The following AIG1 variants were observed in gnomAD, a reference collection of about 807,000 sequenced individuals.
AIG1 encodes the protein androgen induced 1, also known as androgen-induced gene 1 protein.
A neutral mutation model predicts 31.4 loss-of-function variants in AIG1; 23 were observed. The observed-to-expected ratio is 0.73, with a 90% CI of 0.53 to 1.04. AIG1 has a LOEUF of 1.04. Ranked by LOEUF, AIG1 falls within the 50% of genes least tolerant of loss-of-function variation. The probability of loss-of-function intolerance (pLI) is 0.00; values close to 1 mark genes in which losing one functional copy is unlikely to be tolerated. For missense variants in AIG1, 274 were observed against 295.0 expected (o/e 0.93, Z 0.52); for synonymous variants, 100 against 110.5 (o/e 0.90, Z 0.60).
intron 3 of AIG1, among the ~76,000 whole-genome samples, chr6:143,260,245 T>C (rs188273104): frequency 9.1e-4 from 138 of 152,234 alleles, no homozygotes; most frequent in African/African-American, 3.2e-3. Flanking sequence ...TCTCTTGACC[T>C]CGTGATCCGC....
At chr6:143,067,449 T>C (rs551308790) in intron 1 of AIG1, among the ~76,000 whole-genome samples, 1 of 152,230 alleles carries the variant, frequency 6.6e-6, no homozygotes, top group South Asian at 2.1e-4. Context: ...GTGGAAAAGC[T>C]TGGGGTGCTC....
chr6:143,156,292 AT>A (rs1288330755), intron 2 of AIG1, among the ~76,000 whole-genome samples: 1 of 151,858 alleles, frequency 6.6e-6, no homozygotes, highest in Non-Finnish European at 1.5e-5. Flanking sequence ...ACTATGGTAC[AT>A]AATCCTACAA....
At chr6:143,248,359 G>A (rs1332924743) in intron 3 of AIG1, among the ~76,000 whole-genome samples, 1 of 152,118 alleles carries the variant, frequency 6.6e-6, no homozygotes, top group African/African-American at 2.4e-5. Flanking sequence ...TATTTTTGAA[G>A]GCACAGTTTT....
rs1321818870 is a variant in AIG1, at chr6:143,258,701, T to C, written c.400-25409T>C. 2.0e-5 allele frequency among the ~76,000 whole-genome samples: 3 copies of C among 152,100 alleles called. No individual in the cohort carries two copies. The highest frequency in any genetic ancestry group is 7.2e-5 in the African/African-American group (3 of 41,438). On this transcript the variant is annotated intron_variant, in intron 3 of 5. Coordinates refer to ENST00000357847, the MANE Select transcript of AIG1 (RefSeq NM_016108.4). The surrounding 1 kb of genome is among the most constrained non-coding windows in gnomAD (Gnocchi z 4.7). ...TATAAATGAAAGCTTAACTTGAAAA[T>C]AATTTGAGGAACAATTGTGAAAAAA...
Position 143,136,816 on chromosome 6 carries a change from G to C in AIG1, c.142-19G>C. ...TCTCCAGATCTTAATGACTCATACC[G>C]GCTGTTGTCCCCCTACAGGTTATCC... On this transcript the variant is annotated intron_variant, in intron 1 of 5. Transcript: ENST00000357847. The C allele has an allele frequency of 7.4e-7, 1 of 1,355,862 alleles. No individual in the cohort carries two copies. The highest frequency in any genetic ancestry group is 9.6e-7 in the Non-Finnish European group (1 of 1,039,458). The allele number at this position is 1,355,862 out of a possible 1,614,324, so 84.0% of individuals were successfully genotyped here. A position where few individuals can be genotyped will look rare whatever the true frequency, so the allele number is the denominator to read the frequency against.
intron 3 of AIG1, among the ~76,000 whole-genome samples, chr6:143,230,064 T>C (rs921808165): frequency 3.3e-5 from 5 of 152,174 alleles, no homozygotes; most frequent in African/African-American, 7.2e-5. Flanking sequence ...AACGTGGAGA[T>C]TGGCTTCTAT....
At chr6:143,264,822 A>G (rs1796042195) in intron 3 of AIG1, among the ~76,000 whole-genome samples, 1 of 152,190 alleles carries the variant, frequency 6.6e-6, no homozygotes, top group Admixed American at 6.5e-5. Context: ...ATATCACTGA[A>G]CACACCAGCA....
chr6:143,136,858 C>A lies in AIG1; in HGVS notation c.165C>A (p.Gly55=). The A allele has an allele frequency of 6.9e-7, 1 of 1,455,228 alleles. No homozygotes were observed. The highest frequency in any genetic ancestry group is 1.5e-5 in the South Asian group (1 of 66,622). The allele number at this position is 1,455,228 out of a possible 1,614,324, so 90.1% of individuals were successfully genotyped here. The change falls in exon 2 of 6, where the codon GGC becomes GGA. Residue 55 remains glycine, a synonymous_variant. Transcript: ENST00000357847. ...AGGTTATCCAGGCTGTCTTTTTTGG[C>A]ATCTGTGTGCTGACTGATCTTTCCA... ...IDLVIQAVFF[G]ICVLTDLSSL...
chr6:143,332,405 A>G (rs1777152482), intron 4 of AIG1, among the ~76,000 whole-genome samples: 4 of 152,270 alleles, frequency 2.6e-5, no homozygotes, highest in Non-Finnish European at 5.9e-5. Context: ...TATTCTAACT[A>G]AACTTTTGAA....
intron 5 of AIG1, among the ~76,000 whole-genome samples, chr6:143,336,046 C>G (rs187896984): frequency 6.6e-6 from 1 of 151,982 alleles, no homozygotes; most frequent in African/African-American, 2.4e-5. Flanking sequence ...CCACTTTACT[C>G]AGTCACATTA....
At chr6:143,177,474 A>G (rs62429641) in intron 3 of AIG1, among the ~76,000 whole-genome samples, 18,884 of 152,286 alleles carry the variant, frequency 0.12, 1,560 homozygotes, top group Non-Finnish European at 0.19. Flanking sequence ...CTGTATATGT[A>G]TACGTATCAT....
chr6:143,102,704 C>G (rs372669600), intron 1 of AIG1, among the ~76,000 whole-genome samples: 1 of 151,674 alleles, frequency 6.6e-6, no homozygotes, highest in African/African-American at 2.4e-5. Flanking sequence ...TTCATCCCCT[C>G]TCTACTCCTT....
chr6:143,141,659 G>A (rs1213750509), intron 2 of AIG1, among the ~76,000 whole-genome samples: 1 of 152,106 alleles, frequency 6.6e-6, no homozygotes, highest in Non-Finnish European at 1.5e-5. Context: ...AATTTTGCAG[G>A]GATAACCCAT....
chr6:143,200,174 A>G (rs1226724262), intron 3 of AIG1, among the ~76,000 whole-genome samples: 1 of 152,214 alleles, frequency 6.6e-6, no homozygotes, highest in East Asian at 1.9e-4. Context: ...AAAATACAGT[A>G]TTGGAGCACA....
At chr6:143,306,469 T>A (rs1010496229) in intron 4 of AIG1, among the ~76,000 whole-genome samples, 1 of 152,190 alleles carries the variant, frequency 6.6e-6, no homozygotes, top group African/African-American at 2.4e-5. Flanking sequence ...GGATTTTATT[T>A]TGCCTTCACT....
chr6:143,163,872 T>G (rs2128562354), intron 2 of AIG1, among the ~76,000 whole-genome samples: 1 of 152,242 alleles, frequency 6.6e-6, no homozygotes, highest in Non-Finnish European at 1.5e-5. Flanking sequence ...GATCTCCTGT[T>G]TTGTAAGATC....
At chr6:143,182,291 C>T (rs775948486) in intron 3 of AIG1, among the ~76,000 whole-genome samples, 7 of 152,166 alleles carry the variant, frequency 4.6e-5, no homozygotes, top group Non-Finnish European at 1.0e-4. Flanking sequence ...GCCTCAGCCT[C>T]CCAAAGTGCT....
intron 1 of AIG1, among the ~76,000 whole-genome samples, chr6:143,102,809 A>G (rs1211896112): frequency 6.6e-6 from 1 of 152,086 alleles, no homozygotes; most frequent in Non-Finnish European, 1.5e-5. Context: ...ATAGTCATGC[A>G]TTTCCATGTC....
Position 143,231,529 on chromosome 6 carries a change from TG to T in AIG1, c.400-52578del, listed in dbSNP as rs150215036. On this transcript the variant is annotated intron_variant, in intron 3 of 5. Transcript: ENST00000357847. ...AAGGGCTCTCTTGGCTGAGGGAGCATGGGCATAGCTATAGACCAGTAACGTC... is the reference window on the plus strand; with the variant it reads ...AAGGGCTCTCTTGGCTGAGGGAGCATGGCATAGCTATAGACCAGTAACGTC... 8.8e-3 allele frequency among the ~76,000 whole-genome samples: 1,340 copies of T among 152,260 alleles called. 13 individuals are homozygous for T. Among genetic ancestry groups the T allele is most frequent in the African/African-American group, 0.03 (1,259 of 41,550 alleles).
Sources: gnomAD v4.1 joint callset for allele counts (sites outside exome capture counted in the v4.1 genomes callset) on GRCh38, gnomAD v4.1.1 for gene constraint, Gnocchi (gnomAD v3.1) non-coding constraint, MANE v1.5 for transcripts, NCBI Gene and HGNC (gene_info 2026-07-23, HGNC 2026-07-21) for gene names.